CCDC60: variants seen among roughly 807,000 people sequenced by gnomAD.
CCDC60 encodes the protein coiled-coil domain-containing protein 60.
CCDC60 carries 54 observed loss-of-function variants against 63.5 expected under a neutral mutation model. The observed-to-expected ratio is 0.85, with a 90% CI of 0.68 to 1.07. CCDC60 has a LOEUF of 1.07. Among genes scored for constraint, CCDC60 ranks in the 50% least tolerant of loss-of-function variants. CCDC60 has a pLI of 0.00. For synonymous variants in CCDC60, 206 were observed against 238.8 expected (o/e 0.86, Z 1.27); for missense variants, 651 against 684.3 (o/e 0.95, Z 0.54).
At chr12:119,446,843 T>C (rs79190429) in intron 2 of CCDC60, among the ~76,000 whole-genome samples, 225 of 152,246 alleles carry the variant, frequency 1.5e-3, no homozygotes, top group African/African-American at 5.3e-3. Flanking sequence ...AATAATCAGA[T>C]TTTTAAAAAG....
intron 2 of CCDC60, among the ~76,000 whole-genome samples, chr12:119,466,783 G>T: frequency 6.6e-6 from 1 of 152,198 alleles, no homozygotes; most frequent in Non-Finnish European, 1.5e-5. Context: ...AGTTATGTGA[G>T]TAATAACCCA....
At chr12:119,419,962 C>T (rs186631068) in intron 1 of CCDC60, among the ~76,000 whole-genome samples, 261 of 150,354 alleles carry the variant, frequency 1.7e-3, no homozygotes, top group African/African-American at 5.9e-3. Flanking sequence ...CTGCAACCTC[C>T]GCCTCCTGGG....
intron 13 of CCDC60, among the ~76,000 whole-genome samples, chr12:119,540,177 G>A (rs947631860): frequency 6.6e-6 from 1 of 152,164 alleles, no homozygotes; most frequent in African/African-American, 2.4e-5. Context: ...ATCTGGATGT[G>A]GGGGTCTACA....
intron 2 of CCDC60, among the ~76,000 whole-genome samples, chr12:119,431,548 A>G (rs1004183290): frequency 1.3e-5 from 2 of 152,234 alleles, no homozygotes; most frequent in Non-Finnish European, 2.9e-5. Context: ...CCTAAACCAT[A>G]ATTTCTAATC....
rs1377870027 is a variant in CCDC60 at position 119,420,967 on chromosome 12, C to T, written c.91-7716C>T. Among the ~76,000 whole-genome samples, 3 of 152,194 alleles carry T rather than the reference C, an allele frequency of 2.0e-5. No homozygotes were observed. The highest frequency in any genetic ancestry group is 6.5e-5 in the Admixed American group (1 of 15,274). On this transcript the variant is annotated intron_variant, in intron 1 of 13. Coordinates refer to ENST00000327554, the MANE Select transcript of CCDC60 (RefSeq NM_178499.5). The surrounding 1 kb of genome is among the most constrained non-coding windows in gnomAD (Gnocchi z 4.1). ...ATGATCCCGCCTACTCTGTTCTTTA[C>T]AGCTTCTCCATAATGAGTCTGAAAT...
At chr12:119,398,173 CGAGCCCTGCCCTGTGGGGAGGTGGCT>C (rs991845602) in intron 1 of CCDC60, among the ~76,000 whole-genome samples, 5 of 133,582 alleles carry the variant, frequency 3.7e-5, no homozygotes, top group Non-Finnish European at 6.3e-5. Context: ...GCTGCAGGTC[CGAGCCCTGCCCTGTGGGGAGGTGGCT>C]GAGGCCTGGC....
intron 2 of CCDC60, among the ~76,000 whole-genome samples, chr12:119,471,161 A>G (rs527858124): frequency 6.6e-6 from 1 of 152,360 alleles, no homozygotes; most frequent in East Asian, 1.9e-4. Flanking sequence ...GTAGCCCATC[A>G]CGACTGAGAA....
At chr12:119,400,015 C>T (rs974610870) in intron 1 of CCDC60, among the ~76,000 whole-genome samples, 2 of 151,798 alleles carry the variant, frequency 1.3e-5, no homozygotes, top group Non-Finnish European at 2.9e-5. Flanking sequence ...GTCACTCCCA[C>T]CTTAGTATAA....
chr12:119,495,299 AAAG>A (rs1358947413), intron 5 of CCDC60, among the ~76,000 whole-genome samples: 1 of 152,212 alleles, frequency 6.6e-6, no homozygotes, highest in Non-Finnish European at 1.5e-5. Flanking sequence ...GCCTCGAAGA[AAAG>A]AAGATCTTAT....
At chr12:119,492,450 G>A (rs1367289777) in intron 5 of CCDC60, among the ~76,000 whole-genome samples, 3 of 152,142 alleles carry the variant, frequency 2.0e-5, no homozygotes, top group African/African-American at 7.2e-5. Flanking sequence ...TATGAATCTG[G>A]GGGGCAGTTT....
intron 1 of CCDC60, among the ~76,000 whole-genome samples, chr12:119,353,167 T>C (rs1255018649): frequency 6.6e-6 from 1 of 151,826 alleles, no homozygotes; most frequent in African/African-American, 2.4e-5. Context: ...TTTTTTTTTA[T>C]ATAAGAACAT....
At chr12:119,507,600 A>ATTTTTT (rs1566050673) in intron 7 of CCDC60, among the ~76,000 whole-genome samples, 1 of 21,668 alleles carries the variant, frequency 4.6e-5, no homozygotes, top group Non-Finnish European at 6.8e-5. Context: ...ACATATATAT[A>ATTTTTT]TATATATATA....
Position 119,492,831 on chromosome 12 carries a change from A to G in CCDC60, c.557+3965A>G, listed in dbSNP as rs147774301. Among the ~76,000 whole-genome samples, 704 of 152,330 alleles carry G rather than the reference A, an allele frequency of 4.6e-3. 6 individuals carry two copies. Among genetic ancestry groups the G allele is most frequent in the African/African-American group, 0.016 (645 of 41,570 alleles). On this transcript the variant is annotated intron_variant, in intron 5 of 13. Transcript: ENST00000327554. ...ATTTAGCCTAATATCTGGGAACACA[A>G]TGAATGTTCATTAAATAACAGCTAT...
chr12:119,490,038 C>T (rs1290432238), intron 5 of CCDC60, among the ~76,000 whole-genome samples: 7 of 152,140 alleles, frequency 4.6e-5, no homozygotes, highest in African/African-American at 7.2e-5. Flanking sequence ...CCTCATGATC[C>T]GCCTGCCTCG....
chr12:119,359,533 G>T (rs1388822012), intron 1 of CCDC60, among the ~76,000 whole-genome samples: 1 of 145,628 alleles, frequency 6.9e-6, no homozygotes, highest in Non-Finnish European at 1.5e-5. Context: ...GCTTATCACA[G>T]GTCTTTTTTT....
At chr12:119,412,899 C>A (rs565941825) in intron 1 of CCDC60, among the ~76,000 whole-genome samples, 11 of 151,924 alleles carry the variant, frequency 7.2e-5, no homozygotes, top group Non-Finnish European at 1.6e-4. Context: ...ACACTCCAGA[C>A]AGAATGACTA....
chr12:119,442,539 CCT>C (rs1019738716), intron 2 of CCDC60, among the ~76,000 whole-genome samples: 25 of 152,228 alleles, frequency 1.6e-4, no homozygotes, highest in African/African-American at 5.1e-4. Context: ...TATGCATTAT[CCT>C]CTCTCTCATT....
chr12:119,341,970 G>A (rs11064756), intron 1 of CCDC60, among the ~76,000 whole-genome samples: 12,180 of 152,258 alleles, frequency 0.08, 636 homozygotes, highest in Middle Eastern at 0.18. Context: ...AAAGGGTAGT[G>A]AGGAAAAATA....
At chr12:119,358,085 A>G (rs1259693623) in intron 1 of CCDC60, among the ~76,000 whole-genome samples, 1 of 152,100 alleles carries the variant, frequency 6.6e-6, no homozygotes, top group African/African-American at 2.4e-5. Context: ...GGACAGTACC[A>G]AGGGGGATGG....
Sources: gnomAD v4.1 joint callset for allele counts (sites outside exome capture counted in the v4.1 genomes callset) on GRCh38, gnomAD v4.1.1 for gene constraint, Gnocchi (gnomAD v3.1) non-coding constraint, MANE v1.5 for transcripts, NCBI Gene and HGNC (gene_info 2026-07-23, HGNC 2026-07-21) for gene names.